The following EP300 variants were observed in gnomAD, a reference collection of about 807,000 sequenced individuals.
EP300 encodes EP300 lysine acetyltransferase.
Under a neutral mutation model 264.0 loss-of-function variants are expected in EP300, and 31 were observed. The ratio of observed to expected loss-of-function variants is 0.12; its 90% confidence interval spans 0.09 to 0.16. The LOEUF is 0.16. EP300 is among the 10% of genes least tolerant of loss of function. EP300 has a pLI of 1.00. For synonymous variants in EP300, 1,340 were observed against 1,045.4 expected (o/e 1.28, Z -5.44); for missense variants, 2,766 against 3,052.9 (o/e 0.91, Z 2.21).
intron 23 of EP300, 71 bp downstream of exon 23, chr22:41,166,737 G>A (rs2059136713): frequency 4.9e-6 from 5 of 1,019,522 alleles, no homozygotes; most frequent in Middle Eastern, 2.2e-4. Context: ...CATCCAAAGT[G>A]AATTACTTTG....
chr22:41,122,987 G>A (rs1204514791), intron 2 of EP300, among the ~76,000 whole-genome samples: 1 of 152,084 alleles, frequency 6.6e-6, no homozygotes, highest in Non-Finnish European at 1.5e-5. Context: ...AATGAGCTAT[G>A]ATAATGCAAC....
intron 9 of EP300, among the ~76,000 whole-genome samples, chr22:41,140,462 A>G (rs1267773855): frequency 6.6e-6 from 1 of 152,084 alleles, no homozygotes; most frequent in African/African-American, 2.4e-5. Flanking sequence ...TTTCCTCCTA[A>G]TACAGTGCAC....
In EP300 at chr22:41,093,082, C is replaced by A. The variant is rs747042929; in HGVS notation, c.78C>A (p.Ser26=). The change falls in exon 1 of 31, where the codon TCC becomes TCA. Residue 26 remains serine, a synonymous_variant. Transcript: ENST00000263253. The stretch of plus-strand genomic sequence containing the variant: ...TCTCATCTCCGGCCCTCTCGGCGTC[C>A]GCCAGCGATGGCACAGGTTAGTTTC... The part of the protein sequence containing the change: ...PKLSSPALSA[S]ASDGTDFGSL... 1 of 1,614,126 alleles carries A rather than the reference C, an allele frequency of 6.2e-7. No homozygotes were observed. Among genetic ancestry groups the A allele is most frequent in the Non-Finnish European group, 8.5e-7 (1 of 1,180,030 alleles).
chr22:41,136,363 T>C (rs2058950497), intron 7 of EP300, among the ~76,000 whole-genome samples: 1 of 152,236 alleles, frequency 6.6e-6, no homozygotes, highest in Admixed American at 6.5e-5. Flanking sequence ...GAAATTGTAT[T>C]GATTTTCTAG....
At chr22:41,136,332 C>A (rs2058950348) in intron 7 of EP300, among the ~76,000 whole-genome samples, 1 of 152,194 alleles carries the variant, frequency 6.6e-6, no homozygotes, top group Non-Finnish European at 1.5e-5. Flanking sequence ...CCCACTCTTT[C>A]TTCTTTCTAC....
chr22:41,177,263 C>T lies in EP300; in HGVS notation c.5552C>T (p.Thr1851Ile), dbSNP rs587778257. Residue 1851 changes from threonine to isoleucine, a missense_variant, in exon 31 of 31, where the codon ACT becomes ATT. Physicochemically the swap from Thr to Ile is moderately conservative, Grantham distance 89 (BLOSUM62 -1). Transcript: ENST00000263253. ...CAGCAACAGGGCCTCCCTTCCCCCACTCCTGCCACTCCAACGACACCAACT... is the reference window on the plus strand; with the variant it reads ...CAGCAACAGGGCCTCCCTTCCCCCATTCCTGCCACTCCAACGACACCAACT... Reference protein sequence around the residue: ...VGQQQGLPSPTPATPTTPTGQ... With the variant: ...VGQQQGLPSPIPATPTTPTGQ... The T allele has an allele frequency of 1.2e-6, 2 of 1,614,074 alleles. No homozygotes were observed. The highest frequency in any genetic ancestry group is 2.2e-5 in the East Asian group (1 of 44,866).
chr22:41,093,035 C>T lies in EP300; in HGVS notation c.31C>T (p.Pro11Ser), dbSNP rs762278198. The T allele has an allele frequency of 2.7e-5, 44 of 1,614,040 alleles. No individual in the cohort carries two copies. The highest frequency in any genetic ancestry group is 1.1e-4 in the African/African-American group (8 of 74,932). MAENVVEPGPPSAKRPKLSSP... is the reference protein window; with the variant it reads MAENVVEPGPSSAKRPKLSSP... ...CGAGAATGTGGTGGAACCGGGGCCG[C>T]CTTCAGCCAAGCGGCCTAAACTCTC... The change falls in exon 1 of 31, where the codon CCT (proline) becomes TCT (serine). Residue 11 changes from proline (P) to serine (S), a missense_variant. By Grantham distance (74) the Pro-to-Ser change is moderately conservative. Transcript: ENST00000263253.
intron 1 of EP300, among the ~76,000 whole-genome samples, chr22:41,095,668 C>G (rs939832089): frequency 3.3e-5 from 5 of 151,684 alleles, no homozygotes; most frequent in East Asian, 1.9e-4. Context: ...TGAGTTGTCA[C>G]TTGGGTATTT....
chr22:41,174,747 G>C (rs2059190580), intron 29 of EP300: 1 of 152,116 alleles, frequency 6.6e-6, no homozygotes, highest in Non-Finnish European at 1.5e-5. Flanking sequence ...CTTATAGGAA[G>C]TGGTAATTAA....
chr22:41,177,532 C>G lies in EP300; in HGVS notation c.5821C>G (p.Gln1941Glu), dbSNP rs2145517918. ...TCAGAGAGCAGCGGAGACGCAGCGC[C>G]AGATGGCCCACGTGCAAATTTTTCA... ...QIQRAAETQR[Q>E]MAHVQIFQRP... The change falls in exon 31 of 31, where the codon CAG (glutamine) becomes GAG (glutamate). Residue 1941 changes from glutamine to glutamate, a missense_variant. Physicochemically the swap from Gln to Glu is conservative, Grantham distance 29. Transcript: ENST00000263253. 6.2e-7 allele frequency: 1 copy of G among 1,614,188 alleles called. No individual in the cohort carries two copies. The highest frequency in any genetic ancestry group is 8.5e-7 in the Non-Finnish European group (1 of 1,180,034).
chr22:41,176,125 TG>T, intron 29 of EP300, 121 bp from the exon 30 acceptor site: 1 of 1,124,284 alleles, frequency 8.9e-7, no homozygotes, highest in Non-Finnish European at 1.3e-6. Context: ...GAGGCCATGG[TG>T]GGATAATTGC....
Position 41,092,683 on chromosome 22 carries a change from G to A in EP300, c.-322G>A. ...GGCTGGGCAGGGGCCGGCCGTGGCG[G>A]GCCGGGGACTGCGCCTCTAGAGCCG... On this transcript the variant is annotated 5_prime_UTR_variant, in exon 1 of 31. Transcript: ENST00000263253. The A allele has an allele frequency of 3.2e-6, 2 of 620,978 alleles. No individual in the cohort carries two copies. Among genetic ancestry groups the A allele is most frequent in the Non-Finnish European group, 5.8e-6 (2 of 343,984 alleles). 38.5% of individuals were successfully genotyped at this position (620,978 alleles called of 1,614,324 possible).
At chr22:41,122,078 GT>G (rs762616718) in intron 2 of EP300, among the ~76,000 whole-genome samples, 1 of 148,932 alleles carries the variant, frequency 6.7e-6, no homozygotes, top group African/African-American at 2.5e-5. Flanking sequence ...ATTTAAACCT[GT>G]TTCTGCATTC....
At chr22:41,152,753 T>G (rs991244034) in intron 16 of EP300, among the ~76,000 whole-genome samples, 47 of 60,690 alleles carry the variant, frequency 7.7e-4, no homozygotes, top group Non-Finnish European at 1.5e-4. Flanking sequence ...TCTTTCTTTC[T>G]TTTTCTTTTC....
At chr22:41,094,195 C>T (rs774856198) in intron 1 of EP300, among the ~76,000 whole-genome samples, 9 of 152,140 alleles carry the variant, frequency 5.9e-5, no homozygotes, top group Non-Finnish European at 1.3e-4. Flanking sequence ...AATGGCTGGC[C>T]ATCTGACAGT....
chr22:41,151,540 A>G (rs2059045552), intron 14 of EP300, among the ~76,000 whole-genome samples: 1 of 152,178 alleles, frequency 6.6e-6, no homozygotes, highest in South Asian at 2.1e-4. Flanking sequence ...GCTCCTCTGA[A>G]GCAGACATCT....
At chr22:41,094,600 A>G (rs908823637) in intron 1 of EP300, among the ~76,000 whole-genome samples, 1 of 152,196 alleles carries the variant, frequency 6.6e-6, no homozygotes. Context: ...GAATTCATAC[A>G]CATACACAAA....
chr22:41,130,151 C>A, intron 5 of EP300, 148 bp downstream of exon 5: 1 of 662,078 alleles, frequency 1.5e-6, no homozygotes, highest in Non-Finnish European at 2.6e-6. Flanking sequence ...TTCTGCTTCC[C>A]TAGTGCATAG....
At chr22:41,147,718 A>G (rs1391666854) in intron 11 of EP300, 119 bp from the exon 12 acceptor site, 23 of 754,106 alleles carry the variant, frequency 3.0e-5, no homozygotes, top group Non-Finnish European at 5.0e-5. Context: ...AGCCTGGGCG[A>G]CAGAGCAAGA....
Sources: gnomAD v4.1 joint callset for allele counts (sites outside exome capture counted in the v4.1 genomes callset) on GRCh38, gnomAD v4.1.1 for gene constraint, MANE v1.5 for transcripts, NCBI Gene and HGNC (gene_info 2026-07-23, HGNC 2026-07-21) for gene names.